Variants in ARHGAP44 observed in about 807,000 individuals in gnomAD.
ARHGAP44 encodes the protein Rho GTPase activating protein 44, also known as rho GTPase-activating protein 44.
ARHGAP44 carries 43 observed loss-of-function variants against 106.8 expected under a neutral mutation model. The ratio of observed to expected loss-of-function variants is 0.40; its 90% CI spans 0.32 to 0.52. The LOEUF (loss-of-function observed/expected upper bound fraction) is 0.52. ARHGAP44 is among the 20% of genes least tolerant of loss of function. The probability of loss-of-function intolerance (pLI) is 0.48; values close to 1 mark genes in which losing one functional copy is unlikely to be tolerated. For synonymous variants in ARHGAP44, 439 were observed against 410.3 expected (o/e 1.07, Z -0.85); for missense variants, 866 against 1,050.5 (o/e 0.82, Z 2.43).
intron 10 of ARHGAP44, among the ~76,000 whole-genome samples, 165 bp from the exon 11 acceptor site, chr17:12,948,975 C>T (rs1293612359): frequency 6.6e-6 from 1 of 152,120 alleles, no homozygotes; most frequent in Non-Finnish European, 1.5e-5. Context: ...GCTTATGTGC[C>T]AAGAGGGAGA....
intron 4 of ARHGAP44, among the ~76,000 whole-genome samples, chr17:12,909,629 C>T (rs2037664728): frequency 6.6e-6 from 1 of 151,944 alleles, no homozygotes; most frequent in Non-Finnish European, 1.5e-5. Flanking sequence ...AGATGTAGAG[C>T]CGCCACCCAG....
rs903640053 is a variant in ARHGAP44 at position 12,789,586 on chromosome 17, C to T, written c.-253C>T. On this transcript the variant is annotated 5_prime_UTR_variant, in exon 1 of 21. Transcript: ENST00000379672. ...CGGAGCGGGCCGGTGCCGAGGACGG[C>T]CCCAGGCATTGCTCTGCCCCGGGCA... 1.5e-4 allele frequency: 40 copies of T among 272,552 alleles called. No individual in the cohort carries two copies. The highest frequency in any genetic ancestry group is 8.5e-4 in the African/African-American group (38 of 44,676). 16.9% of individuals were successfully genotyped at this position (272,552 alleles called of 1,614,324 possible). A position where few individuals can be genotyped will look rare whatever the true frequency, so the allele number is the denominator to read the frequency against.
rs780811896 is a variant in ARHGAP44 at position 12,958,668 on chromosome 17, G to A, written c.1343-49G>A. 1 of 1,578,052 alleles carries A rather than the reference G, an allele frequency of 6.3e-7. No individual in the cohort carries two copies. Among genetic ancestry groups the A allele is most frequent in the East Asian group, 2.3e-5 (1 of 44,394 alleles). On this transcript the variant is annotated intron_variant, in intron 15 of 20. Coordinates refer to ENST00000379672, the MANE Select transcript of ARHGAP44 (RefSeq NM_014859.6). The surrounding 1 kb of genome is among the most constrained non-coding windows in gnomAD (Gnocchi z 4.1). Reference sequence around the variant, plus strand: ...ACTCATTCCTCCCCTGCCCAGGAAGGGTGTGGCAGACCAAGAGTTCACATG... The same window carrying A: ...ACTCATTCCTCCCCTGCCCAGGAAGAGTGTGGCAGACCAAGAGTTCACATG...
intron 6 of ARHGAP44, among the ~76,000 whole-genome samples, chr17:12,921,636 A>C (rs2038089394): frequency 6.6e-6 from 1 of 152,182 alleles, no homozygotes; most frequent in African/African-American, 2.4e-5. Flanking sequence ...AAAGAAACAG[A>C]ATATATTTGG....
intron 1 of ARHGAP44, among the ~76,000 whole-genome samples, chr17:12,860,835 G>A (rs754169276): frequency 1.3e-5 from 2 of 151,092 alleles, no homozygotes; most frequent in East Asian, 1.9e-4. Flanking sequence ...TGGACCAATC[G>A]GTATATGGTT....
chr17:12,876,291 C>T (rs1597982683), intron 1 of ARHGAP44, among the ~76,000 whole-genome samples: 1 of 152,148 alleles, frequency 6.6e-6, no homozygotes, highest in Non-Finnish European at 1.5e-5. Context: ...TTCCCTCCCA[C>T]GAAAACCACA....
chr17:12,848,364 CT>C (rs2150842714), intron 1 of ARHGAP44, among the ~76,000 whole-genome samples: 1 of 151,998 alleles, frequency 6.6e-6, no homozygotes, highest in East Asian at 2.0e-4. Context: ...GATATTCAGA[CT>C]TTAAAACGAT....
At chr17:12,824,768 A>G (rs1294767575) in intron 1 of ARHGAP44, among the ~76,000 whole-genome samples, 2 of 151,736 alleles carry the variant, frequency 1.3e-5, no homozygotes, top group African/African-American at 2.4e-5. Context: ...GTACCTCGCT[A>G]GCCTCCCCTC....
chr17:12,990,211 C>G lies in ARHGAP44; in HGVS notation c.*40C>G. ...TCCTGCCTCGCGTGTACATACATCA[C>G]GGGCCCTAGGAACGCCGCCAGGAGC... On this transcript the variant is annotated 3_prime_UTR_variant, in exon 21 of 21. Transcript: ENST00000379672. 4 of 1,583,306 alleles carry G rather than the reference C, an allele frequency of 2.5e-6. No homozygotes were observed. The highest frequency in any genetic ancestry group is 3.5e-6 in the Non-Finnish European group (4 of 1,155,982).
intron 1 of ARHGAP44, among the ~76,000 whole-genome samples, chr17:12,854,832 C>T (rs1332511463): frequency 1.3e-5 from 2 of 152,006 alleles, no homozygotes; most frequent in Non-Finnish European, 2.9e-5. Context: ...GTGGCGCATG[C>T]CTGTAATCTC....
intron 1 of ARHGAP44, among the ~76,000 whole-genome samples, chr17:12,831,400 A>G (rs2150813240): frequency 6.6e-6 from 1 of 152,346 alleles, no homozygotes; most frequent in Non-Finnish European, 1.5e-5. Context: ...TTAATGGGTA[A>G]CATACTATGG....
At chr17:12,989,354 C>T (rs1045573428) in intron 20 of ARHGAP44, among the ~76,000 whole-genome samples, 11 of 152,064 alleles carry the variant, frequency 7.2e-5, no homozygotes, top group Non-Finnish European at 1.0e-4. Context: ...TCGTCTTTGC[C>T]GACTCAGAGA....
At chr17:12,839,934 C>T (rs150117037) in intron 1 of ARHGAP44, among the ~76,000 whole-genome samples, 47 of 152,254 alleles carry the variant, frequency 3.1e-4, no homozygotes, top group Middle Eastern at 3.4e-3. Flanking sequence ...AAGAAATAAC[C>T]GCCATTCACA....
chr17:12,810,577 C>T (rs1303625079), intron 1 of ARHGAP44, among the ~76,000 whole-genome samples: 7 of 152,088 alleles, frequency 4.6e-5, no homozygotes, highest in African/African-American at 1.2e-4. Context: ...AAGTGGAGAT[C>T]GAGCTCAGTC....
At position 12,977,623 on chromosome 17, in the gene ARHGAP44, C is replaced by G. The variant is rs548125913; in HGVS notation, c.1764-2435C>G. On this transcript the variant is annotated intron_variant, in intron 18 of 20. Transcript: ENST00000379672. The stretch of plus-strand genomic sequence containing the variant: ...TGTCCTCAAACGTGCCTTAAACATG[C>G]CTTGTTCAGGTAGCGCCCCTAGTAG... Among the ~76,000 whole-genome samples, 25 of 152,300 alleles carry G rather than the reference C, an allele frequency of 1.6e-4. No individual in the cohort carries two copies. In the South Asian group the frequency reaches 5.2e-3, roughly 32 times the overall value.
At chr17:12,987,051 T>G in intron 20 of ARHGAP44, 43 of 1,385,748 alleles carry the variant, frequency 3.1e-5, no homozygotes, top group Non-Finnish European at 4.0e-5. Context: ...GACGTTCATG[T>G]TTTGTCGTGT....
chr17:12,826,510 T>A (rs945492934), intron 1 of ARHGAP44, among the ~76,000 whole-genome samples: 3 of 152,252 alleles, frequency 2.0e-5, no homozygotes, highest in Non-Finnish European at 4.4e-5. Context: ...GGACCATGAC[T>A]TTATTTAAGG....
At chr17:12,810,478 G>A (rs2034405245) in intron 1 of ARHGAP44, among the ~76,000 whole-genome samples, 2 of 152,150 alleles carry the variant, frequency 1.3e-5, no homozygotes, top group African/African-American at 4.8e-5. Context: ...GCGATAGAAA[G>A]CTTGAGGATG....
intron 1 of ARHGAP44, among the ~76,000 whole-genome samples, chr17:12,876,188 A>G (rs1459530609): frequency 2.0e-5 from 3 of 152,166 alleles, no homozygotes; most frequent in Admixed American, 1.3e-4. Flanking sequence ...CAAGTACTGG[A>G]CACTGAGGAC....
Sources: allele counts gnomAD v4.1 joint callset (sites outside exome capture counted in the v4.1 genomes callset), GRCh38; gene constraint gnomAD v4.1.1; non-coding constraint Gnocchi (gnomAD v3.1); transcripts MANE v1.5; gene names NCBI Gene and HGNC (gene_info 2026-07-23, HGNC 2026-07-21).